The following PAPPA variants were observed in gnomAD, a reference collection of about 807,000 sequenced individuals.
PAPPA encodes the protein pappalysin-1.
In PAPPA, 60 loss-of-function variants were observed where a neutral mutation model predicts 164.0. The ratio of observed to expected loss-of-function variants is 0.37; its 90% CI spans 0.30 to 0.45. The LOEUF (loss-of-function observed/expected upper bound fraction) is 0.45, where lower values mean the gene tolerates loss of function less well. PAPPA is among the 20% of genes least tolerant of loss of function. The probability of loss-of-function intolerance (pLI) is 1.00; values close to 1 mark genes in which losing one functional copy is unlikely to be tolerated. For missense variants in PAPPA, 1,782 were observed against 2,087.3 expected (o/e 0.85, Z 2.85); for synonymous variants, 875 against 814.1 (o/e 1.07, Z -1.27).
intron 19 of PAPPA, among the ~76,000 whole-genome samples, chr9:116,375,774 A>G (rs893856303): frequency 1.3e-5 from 2 of 152,190 alleles, no homozygotes; most frequent in Non-Finnish European, 2.9e-5. Context: ...GGCTGTTTAC[A>G]TGGATTTTCC....
At chr9:116,212,619 A>G (rs1297607417) in intron 4 of PAPPA, among the ~76,000 whole-genome samples, 1 of 152,204 alleles carries the variant, frequency 6.6e-6, no homozygotes, top group African/African-American at 2.4e-5. Flanking sequence ...TTTCCCCACT[A>G]GAACAAGCAA....
At chr9:116,192,998 T>C (rs1042141109) in intron 2 of PAPPA, among the ~76,000 whole-genome samples, 1 of 152,170 alleles carries the variant, frequency 6.6e-6, no homozygotes, top group Admixed American at 6.5e-5. Context: ...CCTTTGTTCA[T>C]GAATATCTAC....
intron 4 of PAPPA, among the ~76,000 whole-genome samples, chr9:116,219,698 C>A (rs1481018497): frequency 6.6e-6 from 1 of 152,176 alleles, no homozygotes; most frequent in Non-Finnish European, 1.5e-5. Context: ...CTCAGCCATA[C>A]TTTTTCAGTT....
chr9:116,181,929 T>G (rs527544446), intron 1 of PAPPA, among the ~76,000 whole-genome samples: 2 of 152,230 alleles, frequency 1.3e-5, no homozygotes, highest in Non-Finnish European at 2.9e-5. Context: ...CCTCCTGGCT[T>G]TCAATTCAAT....
chr9:116,379,476 TG>T (rs1199615831), intron 20 of PAPPA, among the ~76,000 whole-genome samples: 1 of 152,156 alleles, frequency 6.6e-6, no homozygotes, highest in African/African-American at 2.4e-5. Flanking sequence ...AATACATTGG[TG>T]TTAGTCCAGT....
At chr9:116,350,382 T>C (rs1846265907) in intron 15 of PAPPA, among the ~76,000 whole-genome samples, 1 of 152,182 alleles carries the variant, frequency 6.6e-6, no homozygotes, top group Non-Finnish European at 1.5e-5. Context: ...TTGAAAACTC[T>C]CTTGGAGTTT....
At chr9:116,378,169 T>C (rs1381762795) in intron 20 of PAPPA, among the ~76,000 whole-genome samples, 2 of 152,198 alleles carry the variant, frequency 1.3e-5, no homozygotes, top group Non-Finnish European at 1.5e-5. Flanking sequence ...GACCTAACCA[T>C]TGAGCTGAAG....
At chr9:116,259,764 A>T (rs1406090216) in intron 7 of PAPPA, among the ~76,000 whole-genome samples, 1 of 152,230 alleles carries the variant, frequency 6.6e-6, no homozygotes, top group African/African-American at 2.4e-5. Context: ...AGATGCAATT[A>T]TCTTAACCTA....
intron 1 of PAPPA, among the ~76,000 whole-genome samples, chr9:116,185,249 G>T (rs774988467): frequency 1.3e-5 from 2 of 152,322 alleles, no homozygotes; most frequent in East Asian, 3.9e-4. Flanking sequence ...TGTCCTGATG[G>T]TAAGAGCAGG....
rs577456073 is a variant in PAPPA, at chr9:116,398,149, C to G, written c.*1533C>G. ...AATTAGTCAACTGCACGTGGAAGCC[C>G]CCACCACTTTGGGGATCTCTTTATT... On this transcript the variant is annotated 3_prime_UTR_variant, in exon 22 of 22. Coordinates refer to ENST00000328252, the MANE Select transcript of PAPPA (RefSeq NM_002581.5). The G allele has an allele frequency of 6.5e-6, 1 of 153,596 alleles. No homozygotes were observed. Among genetic ancestry groups the G allele is most frequent in the Admixed American group, 6.5e-5 (1 of 15,382 alleles). 9.5% of individuals were successfully genotyped at this position (153,596 alleles called of 1,614,324 possible). A position where few individuals can be genotyped will look rare whatever the true frequency, so the allele number is the denominator to read the frequency against.
chr9:116,250,460 G>A (rs1032422832), intron 7 of PAPPA, among the ~76,000 whole-genome samples: 5 of 152,128 alleles, frequency 3.3e-5, no homozygotes, highest in African/African-American at 1.2e-4. Flanking sequence ...TATGACTTGC[G>A]GCCATTTATT....
chr9:116,346,964 G>A (rs1400775591), intron 14 of PAPPA, 62 bp from the exon 15 acceptor site: 4 of 1,403,376 alleles, frequency 2.9e-6, no homozygotes, highest in Non-Finnish European at 3.9e-6. Context: ...GGGAAGAAGG[G>A]TATTTCTCCA....
At chr9:116,207,685 G>T in intron 3 of PAPPA, 84 bp downstream of exon 3, 1 of 1,032,960 alleles carries the variant, frequency 9.7e-7, no homozygotes. Context: ...TTACGATCAT[G>T]ATGGTGGTGG....
chr9:116,206,313 C>A (rs1386456294), intron 2 of PAPPA, among the ~76,000 whole-genome samples: 2 of 152,098 alleles, frequency 1.3e-5, no homozygotes, highest in African/African-American at 4.8e-5. Context: ...GAGCTTGGGG[C>A]TTTCTGTGAC....
Position 116,397,704 on chromosome 9 carries a change from A to G in PAPPA, c.*1088A>G, listed in dbSNP as rs1389232295. The G allele has an allele frequency of 6.5e-6, 1 of 152,680 alleles. No individual in the cohort carries two copies. The highest frequency in any genetic ancestry group is 1.5e-5 in the Non-Finnish European group (1 of 68,052). The allele number at this position is 152,680 out of a possible 1,614,324, so 9.5% of individuals were successfully genotyped here. A position where few individuals can be genotyped will look rare whatever the true frequency, so the allele number is the denominator to read the frequency against. On this transcript the variant is annotated 3_prime_UTR_variant, in exon 22 of 22. Coordinates refer to ENST00000328252, the MANE Select transcript of PAPPA (RefSeq NM_002581.5). ...ACATCAGATGCTGGAACCCTCACTG[A>G]AAGTCCAGAATGTCTAAGCCAGTGT... is the stretch of plus-strand genomic sequence containing the variant.
At chr9:116,391,013 A>C (rs918021567) in intron 21 of PAPPA, among the ~76,000 whole-genome samples, 1 of 152,194 alleles carries the variant, frequency 6.6e-6, no homozygotes, top group Non-Finnish European at 1.5e-5. Flanking sequence ...CAGATAGAGA[A>C]ACTGAAGCCC....
intron 1 of PAPPA, among the ~76,000 whole-genome samples, chr9:116,165,482 C>G (rs1376424224): frequency 2.0e-5 from 3 of 152,108 alleles, no homozygotes; most frequent in African/African-American, 7.2e-5. Flanking sequence ...TGTTTATAGA[C>G]AAACTCTCTT....
At chr9:116,304,779 G>A (rs541957635) in intron 10 of PAPPA, among the ~76,000 whole-genome samples, 15 of 152,220 alleles carry the variant, frequency 9.9e-5, no homozygotes, top group African/African-American at 3.4e-4. Flanking sequence ...ACAAAGAGGA[G>A]ATGAGGAAAC....
At chr9:116,392,305 G>GTGTT (rs1846903938) in intron 21 of PAPPA, among the ~76,000 whole-genome samples, 1 of 152,134 alleles carries the variant, frequency 6.6e-6, no homozygotes, top group South Asian at 2.1e-4. Flanking sequence ...AAGCTCTCAA[G>GTGTT]TGTTTGAAGT....
Sources: gnomAD v4.1 joint callset for allele counts (sites outside exome capture counted in the v4.1 genomes callset) on GRCh38, gnomAD v4.1.1 for gene constraint, MANE v1.5 for transcripts, NCBI Gene and HGNC (gene_info 2026-07-23, HGNC 2026-07-21) for gene names.